The following TIMM50 variants were observed in gnomAD, a reference collection of about 807,000 sequenced individuals.
TIMM50 encodes the protein translocase of inner mitochondrial membrane 50.
A neutral mutation model predicts 49.6 loss-of-function variants in TIMM50; 34 were observed. That is an observed-to-expected ratio of 0.69 (90% confidence interval 0.52 to 0.91). TIMM50 has a LOEUF of 0.91. TIMM50 is among the 40% of genes least tolerant of loss of function. The pLI, the probability that TIMM50 is intolerant of heterozygous loss-of-function variation, is 0.00. For missense variants in TIMM50, 458 were observed against 477.8 expected (o/e 0.96, Z 0.39); for synonymous variants, 199 against 198.4 (o/e 1.00, Z -0.03).
At position 39,482,015 on chromosome 19, in the gene TIMM50, A is replaced by T; in HGVS notation, c.241A>T (p.Ser81Cys). The stretch of plus-strand genomic sequence containing the variant: ...GCTGCTTGGAGCTGGTGGGACTGTG[A>T]GCGTCGTCTATATCTTTGGTGAGGG... The part of the protein sequence containing the change: ...AGLLGAGGTV[S>C]VVYIFGNNPV... The change falls in exon 2 of 11, where the codon AGC (serine) becomes TGC (cysteine). Residue 81 changes from serine (S) to cysteine (C), a missense_variant. Coordinates refer to ENST00000607714, the MANE Select transcript of TIMM50 (RefSeq NM_001001563.5). 1 of 1,614,068 alleles carries T rather than the reference A, an allele frequency of 6.2e-7. No individual in the cohort carries two copies. Among genetic ancestry groups the T allele is most frequent in the Non-Finnish European group, 8.5e-7 (1 of 1,179,978 alleles).
rs2079560650 is a variant in TIMM50, at chr19:39,493,336, A to T, written c.*3516A>T. On this transcript the variant is annotated 3_prime_UTR_variant, in exon 11 of 11. Coordinates refer to ENST00000607714, the MANE Select transcript of TIMM50 (RefSeq NM_001001563.5). ...GCGATCTCGGCTCACTGCACCCTGC[A>T]CCTCCTGGGTTCAAGTGATTCTCCT... 1 of 151,384 alleles carries T rather than the reference A, an allele frequency of 6.6e-6. No homozygotes were observed. Among genetic ancestry groups the T allele is most frequent in the Non-Finnish European group, 1.5e-5 (1 of 67,884 alleles). The allele number at this position is 151,384 out of a possible 1,614,324, so 9.4% of individuals were successfully genotyped here.
At chr19:39,481,693 G>A (rs187884728) in intron 1 of TIMM50, among the ~76,000 whole-genome samples, 190 bp from the exon 2 acceptor site, 4 of 152,246 alleles carry the variant, frequency 2.6e-5, no homozygotes, top group African/African-American at 7.2e-5. Context: ...CTGGCATCCT[G>A]GTGCGGGACA....
At chr19:39,483,048 C>T (rs1038791970) in intron 3 of TIMM50, 87 bp from the exon 4 acceptor site, 4 of 1,609,452 alleles carry the variant, frequency 2.5e-6, no homozygotes, top group Non-Finnish European at 3.4e-6. Flanking sequence ...GCCTGTTCCT[C>T]TTGGGGTCCT....
rs955913058 is a variant in TIMM50, at chr19:39,482,787, C to T, written c.260-98C>T. The T allele has an allele frequency of 2.0e-6, 3 of 1,537,774 alleles. No homozygotes were observed. In the African/African-American group the frequency reaches 4.1e-5, roughly 21 times the overall value. ...TCCAGGAGGCTGTGCCTCTCTCTTTCCTCAGATCCAGGAGTCCAGGCCCCT... is the reference window on the plus strand; with the variant it reads ...TCCAGGAGGCTGTGCCTCTCTCTTTTCTCAGATCCAGGAGTCCAGGCCCCT... On this transcript the variant is annotated intron_variant, in intron 2 of 10. Transcript: ENST00000607714.
intron 8 of TIMM50, among the ~76,000 whole-genome samples, chr19:39,487,160 A>C (rs1387432954): frequency 6.6e-6 from 1 of 152,150 alleles, no homozygotes; most frequent in Non-Finnish European, 1.5e-5. Context: ...GCAGGGGTTA[A>C]ACACGAGAGT....
intron 10 of TIMM50, among the ~76,000 whole-genome samples, chr19:39,489,088 A>G (rs1488596213): frequency 6.6e-6 from 1 of 151,980 alleles, no homozygotes. Context: ...TCTGGGTAAG[A>G]TTCCCAGGGG....
chr19:39,481,504 G>T (rs940657617), intron 1 of TIMM50, among the ~76,000 whole-genome samples: 1 of 152,050 alleles, frequency 6.6e-6, no homozygotes, highest in Non-Finnish European at 1.5e-5. Context: ...GCCGGACGTC[G>T]TAACTCCCGG....
intron 3 of TIMM50, 34 bp downstream of exon 3, chr19:39,482,950 G>A (rs1269381150): frequency 2.5e-6 from 4 of 1,614,024 alleles, no homozygotes; most frequent in Non-Finnish European, 3.4e-6. Context: ...CTTGCCAGGA[G>A]TCCTAGTCTG....
At chr19:39,486,117 A>T in intron 6 of TIMM50, 70 bp from the exon 7 acceptor site, 1 of 1,474,340 alleles carries the variant, frequency 6.8e-7, no homozygotes, top group East Asian at 2.3e-5. Flanking sequence ...CCCAGGCTGG[A>T]TCTTTGTCCT....
intron 9 of TIMM50, 72 bp from the exon 10 acceptor site, chr19:39,488,460 TGCGGGAC>T: frequency 7.3e-7 from 1 of 1,365,178 alleles, no homozygotes; most frequent in Admixed American, 1.7e-5. Context: ...CGTGCCCCAG[TGCGGGAC>T]GTTCCCCTCA....
At position 39,490,643 on chromosome 19, in the gene TIMM50, G is replaced by A. The variant is rs2079538964; in HGVS notation, c.*823G>A. On this transcript the variant is annotated 3_prime_UTR_variant, in exon 11 of 11. Transcript: ENST00000607714. ...AGTCTTAAGCAATCTTCCTGCTTTG[G>A]CCTCCCAAAGCGCTAGGATTCCAGG... is the stretch of plus-strand genomic sequence containing the variant. The A allele has an allele frequency of 6.6e-6, 1 of 151,958 alleles. No homozygotes were observed. Among genetic ancestry groups the A allele is most frequent in the Non-Finnish European group, 1.5e-5 (1 of 67,992 alleles). 9.4% of individuals were successfully genotyped at this position (151,958 alleles called of 1,614,324 possible).
In TIMM50 at chr19:39,491,752, G is replaced by A. The variant is rs1201792872; in HGVS notation, c.*1932G>A. 2 of 149,040 alleles carry A rather than the reference G, an allele frequency of 1.3e-5. No homozygotes were observed. The highest frequency in any genetic ancestry group is 1.3e-4 in the Admixed American group (2 of 14,952). The allele number at this position is 149,040 out of a possible 1,614,324, so 9.2% of individuals were successfully genotyped here. On this transcript the variant is annotated 3_prime_UTR_variant, in exon 11 of 11. Transcript: ENST00000607714. ...TGGGAGGAATCCCTTGAGCCAAGGA[G>A]GTCGTGCGTGGCTGTGATGATCTGT...
rs766985605 is a variant in TIMM50 at position 39,488,231 on chromosome 19, CT to C, written c.853+15del. 6.2e-7 allele frequency: 1 copy of C among 1,601,438 alleles called. No individual in the cohort carries two copies. The highest frequency in any genetic ancestry group is 8.5e-7 in the Non-Finnish European group (1 of 1,170,306). Reference sequence around the variant, plus strand: ...CCTTCCTCAAGAGTAAGGCTGACCCCTGATCCCTTGGCCTCTGACCCCAGAG... The same window carrying C: ...CCTTCCTCAAGAGTAAGGCTGACCCCGATCCCTTGGCCTCTGACCCCAGAG... On this transcript the variant is annotated intron_variant, in intron 9 of 10. Coordinates refer to ENST00000607714, the MANE Select transcript of TIMM50 (RefSeq NM_001001563.5).
In TIMM50 at chr19:39,481,994, C is replaced by T. The variant is rs757399241; in HGVS notation, c.220C>T (p.Leu74Phe). 1.9e-6 allele frequency: 3 copies of T among 1,614,156 alleles called. No homozygotes were observed. In the South Asian group the frequency reaches 3.3e-5, roughly 18 times the overall value. Residue 74 changes from leucine to phenylalanine, a missense_variant, in exon 2 of 11, where the codon CTT (leucine) becomes TTT (phenylalanine). Leu to Phe is a conservative substitution (Grantham distance 22). Transcript: ENST00000607714. ...KKVALWLAGL[L>F]GAGGTVSVVY... The stretch of plus-strand genomic sequence containing the variant: ...AGTTGCGCTCTGGCTTGCTGGGCTG[C>T]TTGGAGCTGGTGGGACTGTGAGCGT...
At chr19:39,481,013 A>C in intron 1 of TIMM50, 52 bp downstream of exon 1, 1 of 1,511,320 alleles carries the variant, frequency 6.6e-7, no homozygotes, top group South Asian at 1.3e-5. Context: ...CCCTGGAGTT[A>C]CGGACATATC....
intron 8 of TIMM50, among the ~76,000 whole-genome samples, chr19:39,487,461 A>AT: frequency 1.3e-5 from 2 of 150,114 alleles, no homozygotes; most frequent in African/African-American, 2.5e-5. Flanking sequence ...ATTTTTATTT[A>AT]TTTATTTTTT....
chr19:39,489,712 A>G lies in TIMM50; in HGVS notation c.961-7A>G, dbSNP rs748017710. 1 of 1,601,050 alleles carries G rather than the reference A, an allele frequency of 6.2e-7. No homozygotes were observed. Among genetic ancestry groups the G allele is most frequent in the East Asian group, 2.2e-5 (1 of 44,506 alleles). ...GACCCTCTCCTCCAACTGTCCCCCT[A>G]CCCCAGGAGGAGCAGCAGCGCCTGG... On this transcript the variant is annotated splice_polypyrimidine_tract_variant and splice_region_variant and intron_variant, in intron 10 of 10. Transcript: ENST00000607714.
chr19:39,482,083 C>G, intron 2 of TIMM50, 50 bp downstream of exon 2: 1 of 1,593,774 alleles, frequency 6.3e-7, no homozygotes, highest in Non-Finnish European at 8.6e-7. Context: ...CCTCCCTGGT[C>G]CACTGTGGAA....
rs1489372422 is a variant in TIMM50 at position 39,480,945 on chromosome 19, G to A, written c.92G>A (p.Arg31His). ...TGCACGAGGTTGGCGACGCCGCCCC[G>A]CCGGGCCCCAGATCAGGTGAGCGGA... ...GLCTRLATPP[R>H]RAPDQAAEIG... The change falls in exon 1 of 11, where the codon CGC (arginine) becomes CAC (histidine). Residue 31 changes from arginine (R) to histidine (H), a missense_variant. Coordinates refer to ENST00000607714, the MANE Select transcript of TIMM50 (RefSeq NM_001001563.5). 2 of 1,584,392 alleles carry A rather than the reference G, an allele frequency of 1.3e-6. No individual in the cohort carries two copies. Among genetic ancestry groups the A allele is most frequent in the African/African-American group, 1.3e-5 (1 of 74,260 alleles).
Sources: gnomAD v4.1 joint callset for allele counts (sites outside exome capture counted in the v4.1 genomes callset) on GRCh38, gnomAD v4.1.1 for gene constraint, MANE v1.5 for transcripts, NCBI Gene and HGNC (gene_info 2026-07-23, HGNC 2026-07-21) for gene names.